CLTB: variants seen among roughly 807,000 people sequenced by gnomAD.
The protein encoded by CLTB is clathrin light chain B, also known as clathrin, light chain (Lcb).
Under a neutral mutation model 30.5 loss-of-function variants are expected in CLTB, and 10 were observed. That is an observed-to-expected ratio of 0.33 (90% CI 0.20 to 0.56). CLTB has a LOEUF of 0.56. CLTB is among the 20% of genes least tolerant of loss of function. CLTB has a pLI of 0.91. For missense variants in CLTB, 261 were observed against 308.3 expected, an observed-to-expected ratio of 0.85 and a Z score of 1.15; for synonymous variants, 102 against 120.3, an observed-to-expected ratio of 0.85 and a Z score of 1.00.
chr5:176,414,432 CTTT>C (rs59452988), intron 1 of CLTB, among the ~76,000 whole-genome samples: 18 of 134,648 alleles, frequency 1.3e-4, no homozygotes, highest in Admixed American at 1.5e-4. Flanking sequence ...GCTATAGAAT[CTTT>C]TTTTTTTTTT....
In CLTB at chr5:176,415,416, C is replaced by G. The variant is rs150067635; in HGVS notation, c.187+761G>C. On this transcript the variant is annotated intron_variant, in intron 1 of 5. Transcript: ENST00000310418. Reference sequence around the variant, plus strand: ...TTAAATTCACGGCCAGGTGTGGTGACTCACACCTGTAATCCCAACACTTTA... The same window carrying G: ...TTAAATTCACGGCCAGGTGTGGTGAGTCACACCTGTAATCCCAACACTTTA... Among the ~76,000 whole-genome samples, 256 of 152,300 alleles carry G rather than the reference C, an allele frequency of 1.7e-3. 1 individual carries two copies. The highest frequency in any genetic ancestry group is 5.9e-3 in the African/African-American group (245 of 41,546).
chr5:176,416,051 C>G lies in CLTB; in HGVS notation c.187+126G>C, dbSNP rs1757674595. 7 of 843,374 alleles carry G rather than the reference C, an allele frequency of 8.3e-6. No homozygotes were observed. The South Asian group carries it at 9.9e-5, about 12-fold the overall frequency. The allele number at this position is 843,374 out of a possible 1,614,324, so 52.2% of individuals were successfully genotyped here. A position where few individuals can be genotyped will look rare whatever the true frequency, so the allele number is the denominator to read the frequency against. On this transcript the variant is annotated intron_variant, in intron 1 of 5. Coordinates refer to ENST00000310418, the MANE Select transcript of CLTB (RefSeq NM_007097.5). ...CATGGAGATCTCCAAGAAGATTCTT[C>G]CCCACGTCTCCCAGCTCCTGCCCCG... is the stretch of plus-strand genomic sequence containing the variant.
intron 2 of CLTB, among the ~76,000 whole-genome samples, chr5:176,398,433 C>T (rs1231465364): frequency 6.6e-6 from 1 of 152,096 alleles, no homozygotes; most frequent in African/African-American, 2.4e-5. Context: ...TAAAGAATGT[C>T]GGGCGCAGTG....
intron 4 of CLTB, 49 bp downstream of exon 4, chr5:176,397,558 G>C: frequency 3.7e-6 from 1 of 273,154 alleles, no homozygotes; most frequent in Non-Finnish European, 6.0e-6. Context: ...TGTCCCCACA[G>C]CCCCCCTCAT....
At chr5:176,402,899 G>A (rs775806443) in intron 2 of CLTB, among the ~76,000 whole-genome samples, 9 of 152,200 alleles carry the variant, frequency 5.9e-5, no homozygotes, top group African/African-American at 1.9e-4. Context: ...GAGCCAGCAC[G>A]TGTAAGAATC....
chr5:176,407,312 A>T (rs1757182386), intron 2 of CLTB, among the ~76,000 whole-genome samples: 1 of 152,104 alleles, frequency 6.6e-6, no homozygotes, highest in Admixed American at 6.6e-5. Flanking sequence ...TGTTCTAGGT[A>T]CTTTCTTTTT....
intron 3 of CLTB, 68 bp from the exon 4 acceptor site, chr5:176,397,786 C>T: frequency 1.3e-6 from 2 of 1,533,982 alleles, no homozygotes; most frequent in Non-Finnish European, 1.8e-6. Flanking sequence ...CGCGCTCCTC[C>T]CCTGGCCCCT....
At chr5:176,395,441 G>C (rs932548948) in intron 5 of CLTB, among the ~76,000 whole-genome samples, 1 of 152,206 alleles carries the variant, frequency 6.6e-6, no homozygotes, top group Non-Finnish European at 1.5e-5. Flanking sequence ...ATGAGGGAGA[G>C]TGGAAGGAAG....
rs1208295884 is a variant in CLTB at position 176,392,610 on chromosome 5, C to T, written c.*164G>A. ...GCTGGACCAGAGGGCCAGGAGGGAG[C>T]GAGGCGTGATGGGGTGAGGGCCCCC... On this transcript the variant is annotated 3_prime_UTR_variant, in exon 6 of 6. Transcript: ENST00000310418. This position sits in a 1 kb window ranked among gnomAD's most constrained non-coding sequence, Gnocchi z 5.2. 21 of 697,940 alleles carry T rather than the reference C, an allele frequency of 3.0e-5. No individual in the cohort carries two copies. The South Asian group carries it at 3.1e-4, about 10-fold the overall frequency. 43.2% of individuals were successfully genotyped at this position (697,940 alleles called of 1,614,324 possible).
Position 176,416,537 on chromosome 5 carries a change from A to C in CLTB, c.-174T>G. 6.4e-6 allele frequency: 2 copies of C among 313,794 alleles called. No individual in the cohort carries two copies. The highest frequency in any genetic ancestry group is 1.0e-5 in the Non-Finnish European group (2 of 195,044). The allele number at this position is 313,794 out of a possible 1,614,324, so 19.4% of individuals were successfully genotyped here. ...CCGCCACCGGGCCCGGCTGGCTGTCACTGCGGTGCGGGCGCCGCGGCGGGA... is the reference window on the plus strand; with the variant it reads ...CCGCCACCGGGCCCGGCTGGCTGTCCCTGCGGTGCGGGCGCCGCGGCGGGA... On this transcript the variant is annotated 5_prime_UTR_variant, in exon 1 of 6. Transcript: ENST00000310418.
intron 1 of CLTB, among the ~76,000 whole-genome samples, chr5:176,412,077 G>A (rs1757464419): frequency 1.3e-5 from 2 of 151,582 alleles, no homozygotes; most frequent in South Asian, 4.2e-4. Flanking sequence ...TCGGGAGGCT[G>A]AGGCAGGAGA....
At position 176,393,766 on chromosome 5, in the gene CLTB, C is replaced by T. The variant is rs1314265285; in HGVS notation, c.519-821G>A. Among the ~76,000 whole-genome samples the T allele has an allele frequency of 6.6e-6, 1 of 152,168 alleles. No individual in the cohort carries two copies. The highest frequency in any genetic ancestry group is 2.4e-5 in the African/African-American group (1 of 41,446). The stretch of plus-strand genomic sequence containing the variant: ...GGTTGACAGTCACAGAAGCCACTGA[C>T]TAAGGGACAGTGGGGAAACAAGTAA... On this transcript the variant is annotated intron_variant, in intron 5 of 5. Transcript: ENST00000310418. The surrounding 1 kb of genome is among the most constrained non-coding windows in gnomAD (Gnocchi z 4.4).
rs1299873735 is a variant in CLTB at position 176,393,634 on chromosome 5, CACT to C, written c.519-692_519-690del. ...AGAGCCCTTTGTAGCCCAGAACCAC[CACT>C]GTCTCTGAGGAGCCACAGCCTGGGG... On this transcript the variant is annotated intron_variant, in intron 5 of 5. Coordinates refer to ENST00000310418, the MANE Select transcript of CLTB (RefSeq NM_007097.5). The surrounding 1 kb of genome is among the most constrained non-coding windows in gnomAD (Gnocchi z 4.4). Among the ~76,000 whole-genome samples the C allele has an allele frequency of 2.6e-5, 4 of 152,172 alleles. No individual in the cohort carries two copies. The highest frequency in any genetic ancestry group is 2.6e-4 in the Admixed American group (4 of 15,282).
chr5:176,412,040 G>T (rs774602775), intron 1 of CLTB, among the ~76,000 whole-genome samples: 11 of 152,020 alleles, frequency 7.2e-5, no homozygotes, highest in Middle Eastern at 6.3e-3. Context: ...GCCAGGCGTG[G>T]TGGCAGGCGC....
At chr5:176,404,869 C>T (rs1315808774) in intron 2 of CLTB, among the ~76,000 whole-genome samples, 1 of 152,236 alleles carries the variant, frequency 6.6e-6, no homozygotes, top group East Asian at 1.9e-4. Flanking sequence ...CCTGGGCAGC[C>T]TCAGAACCCC....
chr5:176,400,790 C>A (rs1432113787), intron 2 of CLTB, among the ~76,000 whole-genome samples: 1 of 152,206 alleles, frequency 6.6e-6, no homozygotes, highest in East Asian at 1.9e-4. Context: ...GGCACACTCT[C>A]TGTCCTACGG....
intron 2 of CLTB, among the ~76,000 whole-genome samples, chr5:176,399,460 G>A (rs1330262592): frequency 6.6e-6 from 1 of 152,178 alleles, no homozygotes; most frequent in Non-Finnish European, 1.5e-5. Context: ...TGAAAAATGG[G>A]GCTGGGCATG....
chr5:176,397,881 A>AC, intron 3 of CLTB, 49 bp downstream of exon 3: 1 of 1,534,978 alleles, frequency 6.5e-7, no homozygotes, highest in Non-Finnish European at 9.0e-7. Flanking sequence ...CCCACACTCC[A>AC]CCCCACACAC....
chr5:176,401,143 G>C (rs1432070908), intron 2 of CLTB, among the ~76,000 whole-genome samples: 1 of 152,240 alleles, frequency 6.6e-6, no homozygotes, highest in African/African-American at 2.4e-5. Flanking sequence ...GTTCACTGCT[G>C]CTCCTTTCTG....
Sources: gnomAD v4.1 joint callset for allele counts (sites outside exome capture counted in the v4.1 genomes callset) on GRCh38, gnomAD v4.1.1 for gene constraint, Gnocchi (gnomAD v3.1) non-coding constraint, MANE v1.5 for transcripts, NCBI Gene and HGNC (gene_info 2026-07-23, HGNC 2026-07-21) for gene names.